RUFY1: variants seen among roughly 807,000 people sequenced by gnomAD.
RUFY1 encodes the protein RUN and FYVE domain containing 1, also known as RUN and FYVE domain-containing protein 1.
A neutral mutation model predicts 94.6 loss-of-function variants in RUFY1; 54 were observed. That is an observed-to-expected ratio of 0.57 (90% CI 0.46 to 0.72). The LOEUF (loss-of-function observed/expected upper bound fraction) is 0.72, where lower values mean the gene tolerates loss of function less well. Among genes scored for constraint, RUFY1 ranks in the 30% least tolerant of loss-of-function variants. RUFY1 has a pLI of 0.00. For synonymous variants in RUFY1, 396 were observed against 347.3 expected, an observed-to-expected ratio of 1.14 and a Z score of -1.56; for missense variants, 883 against 883.9, an observed-to-expected ratio of 1.00 and a Z score of 0.01.
At chr5:179,598,642 C>G (rs1402308795) in intron 13 of RUFY1, 50 bp from the exon 14 acceptor site, 1 of 1,608,168 alleles carries the variant, frequency 6.2e-7, no homozygotes, top group Admixed American at 1.7e-5. Flanking sequence ...TGTGAATCTT[C>G]CGTGAAAGTC....
rs1282066725 is a variant in RUFY1 at position 179,550,617 on chromosome 5, G to A, written c.48G>A (p.Leu16=). ...GGCAAGRGRE[L]EPELEPGPGP... ...GCGCTGCTGGGCGGGGGCGGGAGCT[G>A]GAGCCGGAGCTGGAGCCGGGGCCGG... Residue 16 remains leucine (L), a synonymous_variant, in exon 1 of 18, where the codon CTG becomes CTA. Transcript: ENST00000319449. 2.1e-5 allele frequency: 28 copies of A among 1,340,186 alleles called. No homozygotes were observed. The highest frequency in any genetic ancestry group is 2.9e-5 in the South Asian group (2 of 68,602). The allele number at this position is 1,340,186 out of a possible 1,614,324, so 83.0% of individuals were successfully genotyped here. A position where few individuals can be genotyped will look rare whatever the true frequency, so the allele number is the denominator to read the frequency against.
rs1484416331 is a variant in RUFY1, at chr5:179,552,045, G to A, written c.310+1166G>A. On this transcript the variant is annotated intron_variant, in intron 1 of 17. Transcript: ENST00000319449. The stretch of plus-strand genomic sequence containing the variant: ...CTGGGTGTGTTGGCATGCACCTGTA[G>A]TCCCAGCTACTCAGGAGGCTGAGGC... Among the ~76,000 whole-genome samples, 3 of 149,692 alleles carry A rather than the reference G, an allele frequency of 2.0e-5. No homozygotes were observed. In the Admixed American group the frequency reaches 2.0e-4, roughly 10 times the overall value.
chr5:179,586,865 GTAA>G (rs1242935978), intron 8 of RUFY1, among the ~76,000 whole-genome samples: 1 of 152,118 alleles, frequency 6.6e-6, no homozygotes, highest in Non-Finnish European at 1.5e-5. Flanking sequence ...TCCAAATTAG[GTAA>G]TAATACATCC....
In RUFY1 at chr5:179,609,880, C is replaced by T. The variant is rs138228772; in HGVS notation, c.*361C>T. On this transcript the variant is annotated 3_prime_UTR_variant, in exon 18 of 18. Coordinates refer to ENST00000319449, the MANE Select transcript of RUFY1 (RefSeq NM_025158.5). ...TCCTCTCCTACCTTCCTTCTAAAAA[C>T]CTGATTCATGCACAGCGTTTGACAC... 1 of 186,952 alleles carries T rather than the reference C, an allele frequency of 5.3e-6. No individual in the cohort carries two copies. The highest frequency in any genetic ancestry group is 1.1e-5 in the Non-Finnish European group (1 of 90,710). 11.6% of individuals were successfully genotyped at this position (186,952 alleles called of 1,614,324 possible). A position where few individuals can be genotyped will look rare whatever the true frequency, so the allele number is the denominator to read the frequency against.
Position 179,609,942 on chromosome 5 carries a change from CAAG to C in RUFY1, c.*425_*427del, listed in dbSNP as rs1767562727. The C allele has an allele frequency of 6.3e-6, 1 of 157,692 alleles. No individual in the cohort carries two copies. Among genetic ancestry groups the C allele is most frequent in the South Asian group, 2.0e-4 (1 of 5,012 alleles). 9.8% of individuals were successfully genotyped at this position (157,692 alleles called of 1,614,324 possible). Reference sequence around the variant, plus strand: ...GCCAGTGTGCCTTCTCTGCTTCAGACAAGAGATCTGCCATTTCATGCCCTTGTG... The same window carrying C: ...GCCAGTGTGCCTTCTCTGCTTCAGACAGATCTGCCATTTCATGCCCTTGTG... On this transcript the variant is annotated 3_prime_UTR_variant, in exon 18 of 18. Transcript: ENST00000319449.
intron 4 of RUFY1, among the ~76,000 whole-genome samples, chr5:179,568,281 A>G (rs1762982842): frequency 6.6e-6 from 1 of 152,190 alleles, no homozygotes; most frequent in African/African-American, 2.4e-5. Flanking sequence ...TATAATATTT[A>G]CAGAAATTTA....
rs1039572990 is a variant in RUFY1, at chr5:179,589,645, G to A, written c.1126G>A (p.Glu376Lys). Reference sequence around the variant, plus strand: ...TCGAGAAAGAAGTGAAAAGAGTGTAGAGGTGAGAAATTGACCTACATTTGG... The same window carrying A: ...TCGAGAAAGAAGTGAAAAGAGTGTAAAGGTGAGAAATTGACCTACATTTGG... ...LIRERSEKSV[E>K]ITKQDTKVEL... is the part of the protein sequence containing the mutation. The change falls in exon 9 of 18, where the codon GAG becomes AAG. Residue 376 changes from glutamate to lysine, a missense_variant and splice_region_variant. Glu to Lys is a moderately conservative substitution (Grantham distance 56). Coordinates refer to ENST00000319449, the MANE Select transcript of RUFY1 (RefSeq NM_025158.5). 6.2e-7 allele frequency: 1 copy of A among 1,607,894 alleles called. No individual in the cohort carries two copies. Among genetic ancestry groups the A allele is most frequent in the Non-Finnish European group, 8.5e-7 (1 of 1,174,370 alleles).
At chr5:179,555,333 G>C (rs1762056721) in intron 1 of RUFY1, among the ~76,000 whole-genome samples, 1 of 152,100 alleles carries the variant, frequency 6.6e-6, no homozygotes, top group Non-Finnish European at 1.5e-5. Context: ...GATATTCTCT[G>C]TGTCATGTTG....
chr5:179,588,228 G>A (rs1413372608), intron 8 of RUFY1, among the ~76,000 whole-genome samples: 6 of 152,108 alleles, frequency 3.9e-5, no homozygotes, highest in Non-Finnish European at 5.9e-5. Flanking sequence ...ATTCTCAGGG[G>A]GTGTAGACAC....
chr5:179,595,261 C>T (rs1276155062), intron 12 of RUFY1, among the ~76,000 whole-genome samples: 1 of 152,142 alleles, frequency 6.6e-6, no homozygotes, highest in African/African-American at 2.4e-5. Flanking sequence ...GGGCGGATCA[C>T]GAGGTCAGGA....
At chr5:179,604,847 G>C (rs1229281604) in intron 15 of RUFY1, among the ~76,000 whole-genome samples, 1 of 151,676 alleles carries the variant, frequency 6.6e-6, no homozygotes, top group Non-Finnish European at 1.5e-5. Context: ...AGCTGGGTGT[G>C]GTGTCGGGCG....
chr5:179,566,749 A>G (rs1762861125), intron 3 of RUFY1, among the ~76,000 whole-genome samples: 2 of 152,060 alleles, frequency 1.3e-5, no homozygotes, highest in African/African-American at 4.8e-5. Context: ...ACAATTAATA[A>G]TAAAACATAA....
chr5:179,579,657 C>CTTCTTTTTTTTTTTTTTTTTTTTTTTTTT (rs1433456916), intron 6 of RUFY1, among the ~76,000 whole-genome samples: 1 of 50,548 alleles, frequency 2.0e-5, no homozygotes, highest in African/African-American at 6.1e-5. Flanking sequence ...TTTTCTTCTT[C>CTTCTTTTTTTTTTTTTTTTTTTTTTTTTT]TTTTTTTTTT....
At chr5:179,564,103 G>A (rs925101142) in intron 3 of RUFY1, among the ~76,000 whole-genome samples, 4 of 148,986 alleles carry the variant, frequency 2.7e-5, no homozygotes, top group African/African-American at 9.8e-5. Context: ...CTACACAGAC[G>A]GCGTCCTGAT....
intron 10 of RUFY1, among the ~76,000 whole-genome samples, chr5:179,593,259 G>A (rs1427877256): frequency 6.6e-6 from 1 of 151,772 alleles, no homozygotes; most frequent in Non-Finnish European, 1.5e-5. Context: ...TGTATTTTTA[G>A]TAGAGATGGG....
chr5:179,580,947 G>C lies in RUFY1; in HGVS notation c.891G>C (p.Glu297Asp). 1 of 1,589,264 alleles carries C rather than the reference G, an allele frequency of 6.3e-7. No individual in the cohort carries two copies. The highest frequency in any genetic ancestry group is 2.2e-5 in the East Asian group (1 of 44,694). The change falls in exon 7 of 18, where the codon GAG (glutamate) becomes GAC (aspartate). Residue 297 changes from glutamate (E) to aspartate (D), a missense_variant and splice_region_variant. Physicochemically the swap from Glu to Asp is conservative, Grantham distance 45. Coordinates refer to ENST00000319449, the MANE Select transcript of RUFY1 (RefSeq NM_025158.5). ...KDVQDLDGGK[E>D]HERITDVLDQ... Reference sequence around the variant, plus strand: ...TTCCTTCTTATGCTCCTTTTAAAAGGCATGAAAGAATTACTGATGTCCTTG... The same window carrying C: ...TTCCTTCTTATGCTCCTTTTAAAAGCCATGAAAGAATTACTGATGTCCTTG...
chr5:179,570,781 TAA>T (rs958416897), intron 5 of RUFY1, among the ~76,000 whole-genome samples: 1 of 145,156 alleles, frequency 6.9e-6, no homozygotes, highest in Non-Finnish European at 1.5e-5. Flanking sequence ...CTCCTCCCTT[TAA>T]AAAAAAAAAA....
At chr5:179,600,564 C>T (rs1426722854) in intron 14 of RUFY1, among the ~76,000 whole-genome samples, 1 of 151,584 alleles carries the variant, frequency 6.6e-6, no homozygotes, top group Admixed American at 6.6e-5. Context: ...ATGCAAGGTT[C>T]GTGTGATTTT....
In RUFY1 at chr5:179,598,779, T is replaced by C; in HGVS notation, c.1719T>C (p.Ser573=). The C allele has an allele frequency of 6.2e-7, 1 of 1,614,158 alleles. No individual in the cohort carries two copies. Among genetic ancestry groups the C allele is most frequent in the Non-Finnish European group, 8.5e-7 (1 of 1,180,014 alleles). ...RELQHEKDTS[S]LLRMELQQVE... ...TACAGCACGAGAAAGACACTTCCTC[T>C]CTACTCAGGATGGAGCTGCAACAAG... The change falls in exon 14 of 18, where the codon TCT becomes TCC. Residue 573 remains serine (S), a synonymous_variant. Transcript: ENST00000319449.
Sources: gnomAD v4.1 joint callset for allele counts (sites outside exome capture counted in the v4.1 genomes callset) on GRCh38, gnomAD v4.1.1 for gene constraint, MANE v1.5 for transcripts, NCBI Gene and HGNC (gene_info 2026-07-23, HGNC 2026-07-21) for gene names.